Variants in KANSL1L observed in about 807,000 individuals in gnomAD.
KANSL1L encodes KAT8 regulatory NSL complex subunit 1 like, also known as KAT8 regulatory NSL complex subunit 1-like protein.
KANSL1L carries 25 observed loss-of-function variants against 108.6 expected under a neutral mutation model. That is an observed-to-expected ratio of 0.23 (90% CI 0.17 to 0.32). KANSL1L has a LOEUF of 0.32. Ranked by LOEUF, KANSL1L falls within the 10% of genes least tolerant of loss-of-function variation. The pLI, the probability that KANSL1L is intolerant of heterozygous loss-of-function variation, is 1.00. For missense variants in KANSL1L, 1,137 were observed against 1,125.7 expected (o/e 1.01, Z -0.14); for synonymous variants, 405 against 395.1 (o/e 1.03, Z -0.30).
chr2:210,153,720 T>G lies in KANSL1L; in HGVS notation c.863A>C (p.Lys288Thr), dbSNP rs747003722. 1.9e-5 allele frequency: 31 copies of G among 1,604,642 alleles called. No individual in the cohort carries two copies. Among genetic ancestry groups the G allele is most frequent in the Non-Finnish European group, 2.3e-5 (27 of 1,176,570 alleles). ...PTTILGNSLP[K>T]CTEIKPEVNT... ...AACTTCTGGCTTAATTTCAGTGCATTTAGGTAAACTATTACCCAAAATTGT... is the reference window on the plus strand; with the variant it reads ...AACTTCTGGCTTAATTTCAGTGCATGTAGGTAAACTATTACCCAAAATTGT... The change falls in exon 2 of 15, where the codon AAA becomes ACA. Residue 288 changes from lysine (K) to threonine (T), a missense_variant. Around this residue, in one of 3 missense-constraint regions of KANSL1L, gnomAD observed 556 missense variants for 537.7 expected, o/e 1.03. Transcript: ENST00000281772.
chr2:210,030,317 A>G (rs529663399), intron 9 of KANSL1L, among the ~76,000 whole-genome samples: 1 of 151,750 alleles, frequency 6.6e-6, no homozygotes, highest in Non-Finnish European at 1.5e-5. Flanking sequence ...TCTTCTGAAC[A>G]CTCTTAATTT....
At chr2:210,118,964 T>C (rs933978083) in intron 3 of KANSL1L, among the ~76,000 whole-genome samples, 15 of 151,922 alleles carry the variant, frequency 9.9e-5, no homozygotes, top group African/African-American at 3.6e-4. Flanking sequence ...GGTCAAGAGA[T>C]TGAGACTATC....
intron 6 of KANSL1L, among the ~76,000 whole-genome samples, chr2:210,065,039 A>T (rs1323250232): frequency 6.6e-6 from 1 of 151,892 alleles, no homozygotes; most frequent in Non-Finnish European, 1.5e-5. Flanking sequence ...ATGATGGCTT[A>T]CGTCTGTAAT....
At chr2:210,029,110 G>A (rs1401074688) in intron 10 of KANSL1L, 141 bp from the exon 11 acceptor site, 2 of 689,134 alleles carry the variant, frequency 2.9e-6, no homozygotes, top group South Asian at 2.2e-5. Context: ...ACTAAAAAAT[G>A]TTAAGAAAAC....
chr2:210,160,604 AAC>A (rs1040445839), intron 1 of KANSL1L, among the ~76,000 whole-genome samples: 51 of 152,334 alleles, frequency 3.3e-4, no homozygotes, highest in African/African-American at 1.2e-3. Context: ...TATAAATCTA[AAC>A]ACAAGATGAT....
chr2:210,095,340 C>G (rs2094726240), intron 5 of KANSL1L, among the ~76,000 whole-genome samples: 1 of 152,040 alleles, frequency 6.6e-6, no homozygotes, highest in Admixed American at 6.6e-5. Flanking sequence ...TACTTCTTCT[C>G]CAATTCTCTT....
At position 210,087,149 on chromosome 2, in the gene KANSL1L, G is replaced by A. The variant is rs529201625; in HGVS notation, c.1550+10937C>T. On this transcript the variant is annotated intron_variant, in intron 5 of 14. Transcript: ENST00000281772. ...GACCAAGCAATCCTCCCACCTCAGC[G>A]TCCCAAGCAGCTGAGACCACATGCA... 1.6e-4 allele frequency among the ~76,000 whole-genome samples: 24 copies of A among 151,646 alleles called. No homozygotes were observed. The South Asian group carries it at 4.2e-3, about 26-fold the overall frequency.
At chr2:210,048,191 A>C (rs563724634) in intron 6 of KANSL1L, among the ~76,000 whole-genome samples, 4 of 152,242 alleles carry the variant, frequency 2.6e-5, no homozygotes, top group African/African-American at 9.6e-5. Context: ...ACATCACCAA[A>C]AGCATCCCCA....
At chr2:210,083,446 G>C (rs2094607049) in intron 5 of KANSL1L, among the ~76,000 whole-genome samples, 1 of 152,096 alleles carries the variant, frequency 6.6e-6, no homozygotes, top group Admixed American at 6.5e-5. Context: ...TGTAACTAAG[G>C]TAGGCAGCAA....
At chr2:210,062,252 G>A (rs1354209593) in intron 6 of KANSL1L, among the ~76,000 whole-genome samples, 3 of 152,192 alleles carry the variant, frequency 2.0e-5, no homozygotes, top group Non-Finnish European at 4.4e-5. Flanking sequence ...GTCTTCTCTT[G>A]TCTGCTGCCA....
At chr2:210,102,512 C>A (rs1406270329) in intron 4 of KANSL1L, among the ~76,000 whole-genome samples, 1 of 152,074 alleles carries the variant, frequency 6.6e-6, no homozygotes, top group African/African-American at 2.4e-5. Context: ...AAGAAACTAC[C>A]ATCAGAGTGA....
chr2:210,126,136 C>T (rs1250858202), intron 3 of KANSL1L, among the ~76,000 whole-genome samples: 1 of 152,146 alleles, frequency 6.6e-6, no homozygotes, highest in Non-Finnish European at 1.5e-5. Context: ...CAAGATCACA[C>T]AGAAGTCAGG....
At chr2:210,147,590 A>G (rs1045259461) in intron 2 of KANSL1L, among the ~76,000 whole-genome samples, 3 of 152,348 alleles carry the variant, frequency 2.0e-5, no homozygotes, top group African/African-American at 7.2e-5. Context: ...ATTTAAGTAT[A>G]ATTTGCAAAT....
At position 210,154,234 on chromosome 2, in the gene KANSL1L, T is replaced by C; in HGVS notation, c.349A>G (p.Ser117Gly). Residue 117 changes from serine to glycine, a missense_variant, in exon 2 of 15, where the codon AGC becomes GGC. This residue lies in a region of KANSL1L where 556 missense variants were observed against 537.7 expected (regional missense o/e 1.03). Coordinates refer to ENST00000281772, the MANE Select transcript of KANSL1L (RefSeq NM_152519.4). ...NKLKNILYNG[S>G]NIQLSKICLS... ...CAGATTTTACTGAGCTGAATGTTGCTGCCATTATACAGTATGTTTTTCAGC... is the reference window on the plus strand; with the variant it reads ...CAGATTTTACTGAGCTGAATGTTGCCGCCATTATACAGTATGTTTTTCAGC... 6.2e-7 allele frequency: 1 copy of C among 1,614,116 alleles called. No homozygotes were observed. Among genetic ancestry groups the C allele is most frequent in the Non-Finnish European group, 8.5e-7 (1 of 1,179,998 alleles).
At chr2:210,096,824 C>T in intron 5 of KANSL1L, 1 of 904,456 alleles carries the variant, frequency 1.1e-6, no homozygotes, top group Non-Finnish European at 1.3e-6. Flanking sequence ...ACTGTTCCCA[C>T]AATAGAACAA....
At chr2:210,164,136 T>C (rs537271174) in intron 1 of KANSL1L, among the ~76,000 whole-genome samples, 103 of 152,294 alleles carry the variant, frequency 6.8e-4, no homozygotes, top group Non-Finnish European at 1.3e-3. Flanking sequence ...TCATCATATA[T>C]ATAAAGTATC....
intron 2 of KANSL1L, among the ~76,000 whole-genome samples, chr2:210,140,190 A>G (rs2095215075): frequency 6.6e-6 from 1 of 152,032 alleles, no homozygotes; most frequent in Admixed American, 6.6e-5. Flanking sequence ...GTTTGATGCA[A>G]TTTCATTTGT....
At chr2:210,167,857 C>T (rs1324801087) in intron 1 of KANSL1L, among the ~76,000 whole-genome samples, 1 of 151,872 alleles carries the variant, frequency 6.6e-6, no homozygotes, top group Non-Finnish European at 1.5e-5. Flanking sequence ...AGACTATCTA[C>T]TGGCAAGTTT....
chr2:210,163,831 GGTGTTAT>G (rs1200075625), intron 1 of KANSL1L, among the ~76,000 whole-genome samples: 1 of 152,038 alleles, frequency 6.6e-6, no homozygotes, highest in Admixed American at 6.5e-5. Flanking sequence ...CATGAAGGCA[GGTGTTAT>G]GTGTTCACTC....
Sources: gnomAD v4.1 joint callset for allele counts (sites outside exome capture counted in the v4.1 genomes callset) on GRCh38, gnomAD v4.1.1 for gene constraint, gnomAD v4.1.1 regional missense constraint, MANE v1.5 for transcripts, NCBI Gene and HGNC (gene_info 2026-07-23, HGNC 2026-07-21) for gene names.